The following PCDHGA2 variants were observed in gnomAD, a reference collection of about 807,000 sequenced individuals.
The protein encoded by PCDHGA2 is protocadherin gamma subfamily A, 2.
Under a neutral mutation model 59.2 loss-of-function variants are expected in PCDHGA2, and 40 were observed. The ratio of observed to expected loss-of-function variants is 0.68; its 90% confidence interval spans 0.52 to 0.88. The LOEUF (loss-of-function observed/expected upper bound fraction) is 0.88. Ranked by LOEUF, PCDHGA2 falls within the 40% of genes least tolerant of loss-of-function variation. The pLI is 0.00. For missense variants in PCDHGA2, 1,226 were observed against 1,204.0 expected, an observed-to-expected ratio of 1.02 and a Z score of -0.27; for synonymous variants, 560 against 526.0, an observed-to-expected ratio of 1.06 and a Z score of -0.89.
intron 1 of PCDHGA2, chr5:141,383,689 G>T (rs773858539): frequency 1.9e-6 from 3 of 1,614,036 alleles, no homozygotes; most frequent in Non-Finnish European, 2.5e-6. Flanking sequence ...ACTGCTCACG[G>T]TACATGCTAT....
chr5:141,485,786 C>A lies in PCDHGA2; in HGVS notation c.2425-9021C>A. On this transcript the variant is annotated intron_variant, in intron 1 of 3. Transcript: ENST00000394576. This position sits in a 1 kb window ranked among gnomAD's most constrained non-coding sequence, Gnocchi z 5.7. ...GGAGAAGCCTTTGGATCGAGAGAAG[C>A]AATCGGACTACCGCCTGGTGCTGAC... 1 of 1,614,208 alleles carries A rather than the reference C, an allele frequency of 6.2e-7. No individual in the cohort carries two copies. The highest frequency in any genetic ancestry group is 1.3e-5 in the African/African-American group (1 of 75,062).
At chr5:141,484,451 T>G (rs2099596635) in intron 1 of PCDHGA2, among the ~76,000 whole-genome samples, 2 of 152,264 alleles carry the variant, frequency 1.3e-5, no homozygotes, top group South Asian at 4.1e-4. Flanking sequence ...TTTAATTGGC[T>G]ACGTTAATGT....
At chr5:141,384,882 C>A in intron 1 of PCDHGA2, 1 of 1,613,872 alleles carries the variant, frequency 6.2e-7, no homozygotes, top group South Asian at 1.1e-5. Context: ...TCACACTCAC[C>A]GTGGCTGTGG....
rs2099695710 is a variant in PCDHGA2, at chr5:141,490,068, A to G, written c.2425-4739A>G. On this transcript the variant is annotated intron_variant, in intron 1 of 3. Coordinates refer to ENST00000394576, the MANE Select transcript of PCDHGA2 (RefSeq NM_018915.4). This position sits in a 1 kb window ranked among gnomAD's most constrained non-coding sequence, Gnocchi z 5.4. ...ATCCAGACGAGGGCACCAACGGCCA[A>G]CTAGACTATTCTTTTGGAGACCACA... is the stretch of plus-strand genomic sequence containing the variant. 2 of 1,614,152 alleles carry G rather than the reference A, an allele frequency of 1.2e-6. No homozygotes were observed. The highest frequency in any genetic ancestry group is 1.6e-4 in the Middle Eastern group (1 of 6,084).
chr5:141,415,515 G>A (rs752258863), intron 1 of PCDHGA2: 5 of 1,614,152 alleles, frequency 3.1e-6, no homozygotes, highest in South Asian at 1.1e-5. Flanking sequence ...CCAATTATGC[G>A]GACACGCTCA....
chr5:141,395,528 A>T, intron 1 of PCDHGA2: 1 of 368,434 alleles, frequency 2.7e-6, no homozygotes, highest in Non-Finnish European at 4.9e-6. Flanking sequence ...CCATACTGGT[A>T]ATTTTGCTAT....
chr5:141,486,653 C>G lies in PCDHGA2; in HGVS notation c.2425-8154C>G. On this transcript the variant is annotated intron_variant, in intron 1 of 3. Transcript: ENST00000394576. This position sits in a 1 kb window ranked among gnomAD's most constrained non-coding sequence, Gnocchi z 5.0. ...CTTGAATGCGCTTATCTCCTACTCA[C>G]TCCTGGAGCCCAGGAATCGAGATGT... is the stretch of plus-strand genomic sequence containing the variant. 1 of 1,613,968 alleles carries G rather than the reference C, an allele frequency of 6.2e-7. No individual in the cohort carries two copies. Among genetic ancestry groups the G allele is most frequent in the Non-Finnish European group, 8.5e-7 (1 of 1,180,034 alleles).
chr5:141,476,036 A>G lies in PCDHGA2; in HGVS notation c.2425-18771A>G. The G allele has an allele frequency of 1.4e-6, 2 of 1,471,164 alleles. No individual in the cohort carries two copies. Among genetic ancestry groups the G allele is most frequent in the Non-Finnish European group, 1.8e-6 (2 of 1,106,602 alleles). 91.1% of individuals were successfully genotyped at this position (1,471,164 alleles called of 1,614,324 possible). ...ATGTCGGACTCGGCGCCCAGCGCCCAAGCGCTAACCCGCTGAAAGTTTCTC... is the reference window on the plus strand; with the variant it reads ...ATGTCGGACTCGGCGCCCAGCGCCCGAGCGCTAACCCGCTGAAAGTTTCTC... On this transcript the variant is annotated intron_variant, in intron 1 of 3. Transcript: ENST00000394576. The surrounding 1 kb of genome is among the most constrained non-coding windows in gnomAD (Gnocchi z 7.6).
In PCDHGA2 at chr5:141,384,701, A is replaced by G. The variant is rs775540555; in HGVS notation, c.2424+43306A>G. On this transcript the variant is annotated intron_variant, in intron 1 of 3. Transcript: ENST00000394576. ...GCGGTGGACAAAGATTCAGGCCAGA[A>G]CGCCTGGCTGTCATACCTCCTGCTT... is the stretch of plus-strand genomic sequence containing the variant. The G allele has an allele frequency of 8.7e-6, 14 of 1,614,138 alleles. No homozygotes were observed. In the South Asian group the frequency reaches 1.2e-4, roughly 14 times the overall value.
intron 1 of PCDHGA2, chr5:141,360,880 G>A: frequency 6.2e-7 from 1 of 1,614,004 alleles, no homozygotes; most frequent in Non-Finnish European, 8.5e-7. Context: ...CGTGTACAGG[G>A]TCACCCTGAG....
At chr5:141,360,409 C>G (rs890064560) in intron 1 of PCDHGA2, 6 of 1,613,722 alleles carry the variant, frequency 3.7e-6, no homozygotes, top group African/African-American at 1.3e-5. Context: ...CAGAATAGAC[C>G]GAGAACAGAT....
intron 1 of PCDHGA2, chr5:141,419,467 C>T: frequency 6.2e-7 from 1 of 1,612,476 alleles, no homozygotes; most frequent in Non-Finnish European, 8.5e-7. Context: ...AGGCCCGCGA[C>T]CAGGGCTCGC....
chr5:141,370,601 T>G, intron 1 of PCDHGA2: 2 of 1,614,004 alleles, frequency 1.2e-6, no homozygotes, highest in Non-Finnish European at 1.7e-6. Context: ...TGCGGGTTAT[T>G]GCAGAGAAGA....
At position 141,340,882 on chromosome 5, in the gene PCDHGA2, G is replaced by C. The variant is rs763228700; in HGVS notation, c.1911G>C (p.Ala637=). Residue 637 remains alanine, a synonymous_variant, in exon 1 of 4, where the codon GCG becomes GCC. Transcript: ENST00000394576. ...RTARALLDRD[A]LKQSLVVAIQ... is the part of the protein sequence containing the mutation. ...CGCGAGCCCTGCTGGACAGAGACGC[G>C]CTCAAGCAGAGCCTCGTGGTGGCCA... 2 of 1,613,636 alleles carry C rather than the reference G, an allele frequency of 1.2e-6. No homozygotes were observed. The highest frequency in any genetic ancestry group is 1.3e-5 in the African/African-American group (1 of 75,044).
chr5:141,422,275 A>G (rs367711513), intron 1 of PCDHGA2: 6 of 1,560,374 alleles, frequency 3.8e-6, no homozygotes, highest in East Asian at 2.2e-5. Flanking sequence ...AGAAATAACT[A>G]TCACCTCTTC....
intron 1 of PCDHGA2, among the ~76,000 whole-genome samples, chr5:141,467,320 T>C (rs1593065881): frequency 6.6e-6 from 1 of 152,322 alleles, no homozygotes; most frequent in African/African-American, 2.4e-5. Flanking sequence ...CCCACAGTGC[T>C]GGGATTAGAG....
chr5:141,459,028 C>T (rs373532898), intron 1 of PCDHGA2, among the ~76,000 whole-genome samples: 1 of 152,202 alleles, frequency 6.6e-6, no homozygotes, highest in Non-Finnish European at 1.5e-5. Context: ...CCACCACATC[C>T]AGCCTTACCA....
rs780383828 is a variant in PCDHGA2, at chr5:141,422,708, A to G, written c.2425-72099A>G. ...GCCCTGGTCACTTACTCTCTGACGGATGACACTGTCCAGGGGGTGCCTCTG... is the reference window on the plus strand; with the variant it reads ...GCCCTGGTCACTTACTCTCTGACGGGTGACACTGTCCAGGGGGTGCCTCTG... On this transcript the variant is annotated intron_variant, in intron 1 of 3. Transcript: ENST00000394576. 28 of 1,603,464 alleles carry G rather than the reference A, an allele frequency of 1.7e-5. No individual in the cohort carries two copies. The East Asian group carries it at 3.8e-4, about 22-fold the overall frequency.
At chr5:141,393,259 G>GAGCACGTT (rs1561641390) in intron 1 of PCDHGA2, 2 of 1,613,874 alleles carry the variant, frequency 1.2e-6, no homozygotes, top group Non-Finnish European at 1.7e-6. Flanking sequence ...GCGGTTCCTG[G>GAGCACGTT]AGCACGTTAT....
Sources: allele counts gnomAD v4.1 joint callset (sites outside exome capture counted in the v4.1 genomes callset), GRCh38; gene constraint gnomAD v4.1.1; non-coding constraint Gnocchi (gnomAD v3.1); transcripts MANE v1.5; gene names NCBI Gene and HGNC (gene_info 2026-07-23, HGNC 2026-07-21).